The following PTPN9 variants were observed in gnomAD, a reference collection of about 807,000 sequenced individuals.
PTPN9 encodes the protein protein tyrosine phosphatase non-receptor type 9, also known as tyrosine-protein phosphatase non-receptor type 9.
PTPN9 carries 26 observed loss-of-function variants against 69.8 expected under a neutral mutation model. The observed-to-expected ratio is 0.37, with a 90% CI of 0.27 to 0.52. The LOEUF is 0.52. Ranked by LOEUF, PTPN9 falls within the 20% of genes least tolerant of loss-of-function variation. PTPN9 has a pLI of 0.91. For synonymous variants in PTPN9, 274 were observed against 272.5 expected (o/e 1.01, Z -0.05); for missense variants, 549 against 740.3 (o/e 0.74, Z 3.00).
chr15:75,525,814 G>C (rs2074925002), intron 2 of PTPN9, among the ~76,000 whole-genome samples: 1 of 151,472 alleles, frequency 6.6e-6, no homozygotes, highest in Admixed American at 6.6e-5. Flanking sequence ...AGCTACTCGG[G>C]AGGCTAAGGT....
At chr15:75,531,292 A>G (rs1309166750) in intron 1 of PTPN9, among the ~76,000 whole-genome samples, 1 of 152,148 alleles carries the variant, frequency 6.6e-6, no homozygotes, top group Non-Finnish European at 1.5e-5. Flanking sequence ...AGTGCATGAA[A>G]AGAGCCAAGA....
At chr15:75,564,792 A>G (rs1450033317) in intron 1 of PTPN9, among the ~76,000 whole-genome samples, 1 of 151,704 alleles carries the variant, frequency 6.6e-6, no homozygotes, top group African/African-American at 2.4e-5. Flanking sequence ...CCCTCTCTCT[A>G]TTAAAAATAA....
chr15:75,469,517 A>G (rs554356624), intron 12 of PTPN9, among the ~76,000 whole-genome samples: 53 of 152,352 alleles, frequency 3.5e-4, no homozygotes, highest in African/African-American at 1.2e-3. Context: ...GCTCTCTGGG[A>G]TACCTGCAGT....
intron 1 of PTPN9, among the ~76,000 whole-genome samples, chr15:75,550,583 TTCCAGACCAGCCTG>T (rs1474635068): frequency 6.6e-6 from 1 of 150,632 alleles, no homozygotes; most frequent in African/African-American, 2.4e-5. Context: ...AGGTCAGGAG[TTCCAGACCAGCCTG>T]TCCAACATGG....
chr15:75,544,261 TG>T (rs2075021744), intron 1 of PTPN9, among the ~76,000 whole-genome samples: 1 of 152,042 alleles, frequency 6.6e-6, no homozygotes. Flanking sequence ...TGGCCAGGCG[TG>T]GGGGCTCACA....
At chr15:75,508,039 C>CAA (rs990909256) in intron 6 of PTPN9, among the ~76,000 whole-genome samples, 785 of 37,102 alleles carry the variant, frequency 0.021, 49 homozygotes, top group African/African-American at 0.061. Context: ...GAGACACTCT[C>CAA]AAAAAAAAAA....
intron 1 of PTPN9, among the ~76,000 whole-genome samples, chr15:75,541,568 G>A (rs1041628840): frequency 1.3e-5 from 2 of 151,294 alleles, no homozygotes; most frequent in African/African-American, 4.9e-5. Context: ...CACCATGCCT[G>A]GCTAATTTTT....
At chr15:75,484,500 A>G (rs1427643321) in intron 8 of PTPN9, among the ~76,000 whole-genome samples, 2 of 152,200 alleles carry the variant, frequency 1.3e-5, no homozygotes, top group East Asian at 1.9e-4. Flanking sequence ...CCTCTCTTCC[A>G]GGGTATTCTC....
intron 1 of PTPN9, among the ~76,000 whole-genome samples, chr15:75,562,748 C>T (rs2075109739): frequency 1.6e-5 from 2 of 121,566 alleles, no homozygotes; most frequent in Admixed American, 1.1e-4. Flanking sequence ...AGGAGAATGG[C>T]GTGAACTGCA....
intron 4 of PTPN9, among the ~76,000 whole-genome samples, chr15:75,521,891 C>T (rs777451959): frequency 1.3e-5 from 2 of 152,068 alleles, no homozygotes; most frequent in African/African-American, 4.8e-5. Context: ...CCTCAAGAAG[C>T]GAGTGGATTC....
At chr15:75,540,768 CTATT>C (rs1422695283) in intron 1 of PTPN9, among the ~76,000 whole-genome samples, 1 of 151,426 alleles carries the variant, frequency 6.6e-6, no homozygotes, top group Non-Finnish European at 1.5e-5. Context: ...GATCCTGTCT[CTATT>C]TAAAACAAAA....
intron 7 of PTPN9, among the ~76,000 whole-genome samples, chr15:75,500,085 G>A (rs923456233): frequency 6.6e-6 from 1 of 152,034 alleles, no homozygotes; most frequent in Admixed American, 6.6e-5. Context: ...AAGCCAAGGA[G>A]GACGAATCAC....
chr15:75,490,277 G>A lies in PTPN9; in HGVS notation c.993C>T (p.Asn331=), dbSNP rs2074701894. ...CCAGGCAGGGTACATCCCCATAACG[G>A]TTTTTCTCTAGGTTTCCTGGAGACC... ...CSMSPGNLEK[N]RYGDVPCLDQ... is the part of the protein sequence containing the mutation. The change falls in exon 8 of 13, where the codon AAC becomes AAT. Residue 331 remains asparagine, a synonymous_variant. Coordinates refer to ENST00000618819, the MANE Select transcript of PTPN9 (RefSeq NM_002833.4). 1 of 1,613,436 alleles carries A rather than the reference G, an allele frequency of 6.2e-7. No homozygotes were observed. The highest frequency in any genetic ancestry group is 8.5e-7 in the Non-Finnish European group (1 of 1,179,402).
chr15:75,530,213 A>AG (rs1389394697), intron 1 of PTPN9, among the ~76,000 whole-genome samples: 3 of 144,256 alleles, frequency 2.1e-5, no homozygotes, highest in South Asian at 2.1e-4. Flanking sequence ...AAAAAAAAAA[A>AG]AAAAAGAAAA....
chr15:75,543,286 C>A (rs1280586227), intron 1 of PTPN9, among the ~76,000 whole-genome samples: 3 of 151,986 alleles, frequency 2.0e-5, no homozygotes, highest in Non-Finnish European at 4.4e-5. Flanking sequence ...GTAGTAGTAA[C>A]CATGTGTGAA....
At chr15:75,513,401 T>C (rs1171697787) in intron 5 of PTPN9, 2 of 455,738 alleles carry the variant, frequency 4.4e-6, no homozygotes, top group African/African-American at 2.0e-5. Context: ...CATAGAGGAG[T>C]GCTGGGGTTT....
Position 75,508,947 on chromosome 15 carries a change from A to C in PTPN9, c.609T>G (p.Ser203Arg). The C allele has an allele frequency of 6.2e-7, 1 of 1,613,978 alleles. No individual in the cohort carries two copies. Among genetic ancestry groups the C allele is most frequent in the Non-Finnish European group, 8.5e-7 (1 of 1,179,884 alleles). ...IWFRVPYSII[S>R]LLLKDKVRER... ...CCCGGACTTTGTCCTTCAGGAGGAG[A>C]CTGATGATGGAATAGGGCACTCGGA... The change falls in exon 6 of 13, where the codon AGT becomes AGG. Residue 203 changes from serine (S) to arginine (R), a missense_variant. Ser to Arg is a moderately radical substitution (Grantham distance 110). Coordinates refer to ENST00000618819, the MANE Select transcript of PTPN9 (RefSeq NM_002833.4).
chr15:75,482,278 T>C (rs1276388521), intron 8 of PTPN9, among the ~76,000 whole-genome samples: 2 of 151,990 alleles, frequency 1.3e-5, no homozygotes, highest in East Asian at 3.9e-4. Flanking sequence ...TTAAGAGTCA[T>C]CACCAGGCCG....
At chr15:75,482,560 G>A (rs1263623590) in intron 8 of PTPN9, among the ~76,000 whole-genome samples, 16 of 78,934 alleles carry the variant, frequency 2.0e-4, no homozygotes, top group Admixed American at 1.6e-3. Context: ...GCGAGACTCC[G>A]TCTCAAAAAA....
Sources: gnomAD v4.1 joint callset for allele counts (sites outside exome capture counted in the v4.1 genomes callset) on GRCh38, gnomAD v4.1.1 for gene constraint, MANE v1.5 for transcripts, NCBI Gene and HGNC (gene_info 2026-07-23, HGNC 2026-07-21) for gene names.